Variants in BLM observed in about 807,000 individuals in gnomAD.
The protein encoded by BLM is BLM RecQ like helicase.
Under a neutral mutation model 135.3 loss-of-function variants are expected in BLM, and 95 were observed. That is an observed-to-expected ratio of 0.70 (90% confidence interval 0.59 to 0.83). The LOEUF (loss-of-function observed/expected upper bound fraction) is 0.83, where lower values mean the gene tolerates loss of function less well. BLM is among the 40% of genes least tolerant of loss of function. The pLI is 0.00. For synonymous variants in BLM, 520 were observed against 589.2 expected (o/e 0.88, Z 1.70); for missense variants, 1,518 against 1,663.9 (o/e 0.91, Z 1.53).
At chr15:90,737,168 C>G (rs1239967822) in intron 1 of BLM, among the ~76,000 whole-genome samples, 1 of 147,642 alleles carries the variant, frequency 6.8e-6, no homozygotes, top group Non-Finnish European at 1.5e-5. Flanking sequence ...ATTTTGAACT[C>G]TTCTTAGTAG....
chr15:90,721,603 G>A (rs752423925), intron 1 of BLM, among the ~76,000 whole-genome samples: 12 of 151,852 alleles, frequency 7.9e-5, no homozygotes, highest in Non-Finnish European at 1.0e-4. Context: ...GATTACAGGT[G>A]TGAGCCACTG....
chr15:90,771,595 ATTTT>A (rs760752305), intron 12 of BLM, among the ~76,000 whole-genome samples: 1 of 125,290 alleles, frequency 8.0e-6, no homozygotes. Flanking sequence ...TTGATCTATA[ATTTT>A]TTTTTTTTTT....
intron 12 of BLM, among the ~76,000 whole-genome samples, chr15:90,775,009 G>A (rs557734021): frequency 6.6e-6 from 1 of 152,306 alleles, no homozygotes; most frequent in Admixed American, 6.5e-5. Flanking sequence ...TCTGAACTGT[G>A]TGGATGAATG....
intron 14 of BLM, among the ~76,000 whole-genome samples, chr15:90,785,702 G>GC (rs1567053705): frequency 1.3e-5 from 2 of 151,618 alleles, no homozygotes; most frequent in Non-Finnish European, 2.9e-5. Context: ...CGCCACCATG[G>GC]CCAGCTGATT....
In BLM at chr15:90,761,213, G is replaced by A. The variant is rs1895978868; in HGVS notation, c.1840G>A (p.Ala614Thr). Reference protein sequence around the residue: ...KTDCLPVSSTAQNINFSESIQ... With the variant: ...KTDCLPVSSTTQNINFSESIQ... ...AGACTGTCTTCCAGTGTCATCTACTGCTCAAAATATAAACTTCTCAGAGTC... is the reference window on the plus strand; with the variant it reads ...AGACTGTCTTCCAGTGTCATCTACTACTCAAAATATAAACTTCTCAGAGTC... The change falls in exon 7 of 22, where the codon GCT (alanine) becomes ACT (threonine). Residue 614 changes from alanine to threonine, a missense_variant. Around this residue, in one of 5 missense-constraint regions of BLM, gnomAD observed 724 missense variants for 756.9 expected, o/e 0.96. Coordinates refer to ENST00000355112, the MANE Select transcript of BLM (RefSeq NM_000057.4). 5.2e-6 allele frequency: 8 copies of A among 1,530,124 alleles called. No individual in the cohort carries two copies. The highest frequency in any genetic ancestry group is 7.0e-6 in the Non-Finnish European group (8 of 1,143,054). 94.8% of individuals were successfully genotyped at this position (1,530,124 alleles called of 1,614,324 possible). A position where few individuals can be genotyped will look rare whatever the true frequency, so the allele number is the denominator to read the frequency against.
intron 12 of BLM, among the ~76,000 whole-genome samples, chr15:90,774,066 C>CT (rs61323062): frequency 0.023 from 1,785 of 76,914 alleles, 291 homozygotes; most frequent in African/African-American, 0.084. Flanking sequence ...GTGCCTCCGT[C>CT]TTTTTTTTTT....
intron 19 of BLM, among the ~76,000 whole-genome samples, chr15:90,805,661 G>A (rs891858918): frequency 6.6e-6 from 1 of 151,892 alleles, no homozygotes; most frequent in Non-Finnish European, 1.5e-5. Flanking sequence ...GGTGGTGGGT[G>A]CCTGTAATCC....
chr15:90,718,898 G>A (rs967295126), intron 1 of BLM, among the ~76,000 whole-genome samples: 1 of 152,198 alleles, frequency 6.6e-6, no homozygotes, highest in Non-Finnish European at 1.5e-5. Context: ...AGGGAAAAAG[G>A]TAAGGGGAAT....
rs528226900 is a variant in BLM at position 90,740,648 on chromosome 15, A to G, written c.-4-6741A>G. 5.3e-5 allele frequency among the ~76,000 whole-genome samples: 8 copies of G among 152,298 alleles called. No homozygotes were observed. The East Asian group carries it at 1.3e-3, about 26-fold the overall frequency. ...GGTGATATGGTTTGCCTGTGTCCCCATTGAAATCTCATCTTGAACTGTGGC... is the reference window on the plus strand; with the variant it reads ...GGTGATATGGTTTGCCTGTGTCCCCGTTGAAATCTCATCTTGAACTGTGGC... On this transcript the variant is annotated intron_variant, in intron 1 of 21. Coordinates refer to ENST00000355112, the MANE Select transcript of BLM (RefSeq NM_000057.4).
rs587778106 is a variant in BLM at position 90,749,644 on chromosome 15, C to A, written c.376C>A (p.Pro126Thr). 1 of 1,614,004 alleles carries A rather than the reference C, an allele frequency of 6.2e-7. No individual in the cohort carries two copies. Among genetic ancestry groups the A allele is most frequent in the Admixed American group, 1.7e-5 (1 of 60,004 alleles). Reference sequence around the variant, plus strand: ...AGTTGTATGCACTACCCAAAACACACCAACTGTAAAGAAATCCCGGGATAC... The same window carrying A: ...AGTTGTATGCACTACCCAAAACACAACAACTGTAAAGAAATCCCGGGATAC... ...KEVVCTTQNT[P>T]TVKKSRDTAL... The change falls in exon 3 of 22, where the codon CCA (proline) becomes ACA (threonine). Residue 126 changes from proline to threonine, a missense_variant. Around this residue, in one of 5 missense-constraint regions of BLM, gnomAD observed 724 missense variants for 756.9 expected, o/e 0.96. Transcript: ENST00000355112.
At chr15:90,772,961 G>A (rs569533325) in intron 12 of BLM, among the ~76,000 whole-genome samples, 7 of 151,948 alleles carry the variant, frequency 4.6e-5, no homozygotes, top group African/African-American at 1.7e-4. Context: ...GCCGGGCCTG[G>A]TGGTGCATAC....
chr15:90,768,768 C>T (rs1180480040), intron 10 of BLM, among the ~76,000 whole-genome samples: 2 of 152,088 alleles, frequency 1.3e-5, no homozygotes, highest in African/African-American at 4.8e-5. Context: ...GTATTGTTAC[C>T]AGGCTGGAGT....
At position 90,790,055 on chromosome 15, in the gene BLM, T is replaced by C. The variant is rs1236962000; in HGVS notation, c.2824-594T>C. Among the ~76,000 whole-genome samples the C allele has an allele frequency of 3.6e-5, 5 of 140,606 alleles. No individual in the cohort carries two copies. The East Asian group carries it at 1.1e-3, about 32-fold the overall frequency. The allele number at this position is 140,606 out of a possible 152,430, so 92.2% of individuals were successfully genotyped here. On this transcript the variant is annotated intron_variant, in intron 14 of 21. Transcript: ENST00000355112. Reference sequence around the variant, plus strand: ...AGTAGCTCTCAGACTTTTACCCACATGAGTTTCCATTAAAATTGTACAAGC... The same window carrying C: ...AGTAGCTCTCAGACTTTTACCCACACGAGTTTCCATTAAAATTGTACAAGC...
chr15:90,798,138 C>T, intron 16 of BLM, 52 bp from the exon 17 acceptor site: 3 of 1,489,596 alleles, frequency 2.0e-6, no homozygotes, highest in Non-Finnish European at 2.8e-6. Context: ...CCCTAGTAAT[C>T]TAGGCATTGT....
Position 90,815,159 on chromosome 15 carries a change from A to G in BLM, c.4134A>G (p.Gly1378=). The G allele has an allele frequency of 6.2e-7, 1 of 1,614,174 alleles. No individual in the cohort carries two copies. The highest frequency in any genetic ancestry group is 8.5e-7 in the Non-Finnish European group (1 of 1,180,026). The change falls in exon 22 of 22, where the codon GGA becomes GGG. Residue 1378 remains glycine, a synonymous_variant. Coordinates refer to ENST00000355112, the MANE Select transcript of BLM (RefSeq NM_000057.4). The surrounding 1 kb of genome is among the most constrained non-coding windows in gnomAD (Gnocchi z 4.6). The stretch of plus-strand genomic sequence containing the variant: ...AAACGAAATCCTCCAGCATCATTGG[A>G]TCCAGTTCAGCCTCACATACTTCTC... ...SSKTKSSSII[G]SSSASHTSQA... is the part of the protein sequence containing the mutation.
Position 90,769,127 on chromosome 15 carries a change from G to A in BLM, c.2308-6G>A, listed in dbSNP as rs1219227761. On this transcript the variant is annotated splice_region_variant and splice_polypyrimidine_tract_variant and intron_variant, in intron 10 of 21. Transcript: ENST00000355112. ...TTTTTACATGTCTAATGTATTTCTGGCCTAGATCTGTGCAAGTAACAGACT... is the reference window on the plus strand; with the variant it reads ...TTTTTACATGTCTAATGTATTTCTGACCTAGATCTGTGCAAGTAACAGACT... The A allele has an allele frequency of 3.8e-6, 6 of 1,591,688 alleles. No individual in the cohort carries two copies. The highest frequency in any genetic ancestry group is 5.2e-6 in the Non-Finnish European group (6 of 1,159,770).
At chr15:90,800,502 G>A (rs535467608) in intron 17 of BLM, among the ~76,000 whole-genome samples, 3 of 152,192 alleles carry the variant, frequency 2.0e-5, no homozygotes, top group African/African-American at 7.2e-5. Context: ...CCAACATGGA[G>A]AAACTCCGTC....
chr15:90,788,488 T>C (rs1398440068), intron 14 of BLM, among the ~76,000 whole-genome samples: 4 of 150,252 alleles, frequency 2.7e-5, no homozygotes, highest in African/African-American at 9.8e-5. Context: ...TTTTTTTTTT[T>C]TTTTTTGGTT....
At chr15:90,752,511 C>T (rs1442507510) in intron 4 of BLM, among the ~76,000 whole-genome samples, 1 of 152,086 alleles carries the variant, frequency 6.6e-6, no homozygotes, top group Non-Finnish European at 1.5e-5. Context: ...GAATATATTT[C>T]TAAAAATATT....
Sources: allele counts gnomAD v4.1 joint callset (sites outside exome capture counted in the v4.1 genomes callset), GRCh38; gene constraint gnomAD v4.1.1; regional missense constraint gnomAD v4.1.1; non-coding constraint Gnocchi (gnomAD v3.1); transcripts MANE v1.5; gene names NCBI Gene and HGNC (gene_info 2026-07-23, HGNC 2026-07-21).